The following XRCC6 variants were observed in gnomAD, a reference collection of about 807,000 sequenced individuals.
The protein encoded by XRCC6 is X-ray repair cross complementing 6, also known as DNA repair protein Ku70.
In XRCC6, 5 loss-of-function variants were observed where a neutral mutation model predicts 65.7. That is an observed-to-expected ratio of 0.08 (90% confidence interval 0.04 to 0.16). XRCC6 has a LOEUF of 0.16. XRCC6 is among the 10% of genes least tolerant of loss of function. XRCC6 has a pLI of 1.00. For synonymous variants in XRCC6, 270 were observed against 270.6 expected (o/e 1.00, Z 0.02); for missense variants, 447 against 738.1 (o/e 0.61, Z 4.57).
chr22:41,649,703 A>C (rs2147103887), intron 7 of XRCC6, among the ~76,000 whole-genome samples: 1 of 151,984 alleles, frequency 6.6e-6, no homozygotes, highest in South Asian at 2.1e-4. Context: ...AAATACAAAA[A>C]AATTAGCCAG....
chr22:41,652,323 T>G (rs1433231338), intron 8 of XRCC6, among the ~76,000 whole-genome samples: 1 of 152,094 alleles, frequency 6.6e-6, no homozygotes, highest in Non-Finnish European at 1.5e-5. Context: ...GGTCATGTCA[T>G]TAACCTAGTG....
At chr22:41,642,049 A>AT (rs1361658998) in intron 6 of XRCC6, among the ~76,000 whole-genome samples, 1 of 152,018 alleles carries the variant, frequency 6.6e-6, no homozygotes, top group African/African-American at 2.4e-5. Flanking sequence ...TCAGGATCTC[A>AT]TTTTTTATGG....
chr22:41,661,302 G>C (rs758897001), intron 11 of XRCC6, 29 bp from the exon 12 acceptor site: 1 of 1,599,214 alleles, frequency 6.3e-7, no homozygotes, highest in Non-Finnish European at 8.5e-7. Context: ...TGACTCACCA[G>C]GCCACTCTTC....
intron 9 of XRCC6, among the ~76,000 whole-genome samples, chr22:41,655,773 A>C (rs1185232270): frequency 1.3e-5 from 2 of 150,928 alleles, no homozygotes; most frequent in African/African-American, 4.9e-5. Context: ...TATGTTGCCC[A>C]GGCTGGTCTC....
chr22:41,636,463 C>T, intron 4 of XRCC6, 53 bp from the exon 5 acceptor site: 1 of 1,594,590 alleles, frequency 6.3e-7, no homozygotes, highest in Non-Finnish European at 8.5e-7. Flanking sequence ...GTAAAGGCAG[C>T]CACTGACATT....
Position 41,657,015 on chromosome 22 carries a change from G to A in XRCC6, c.1404G>A (p.Lys468=). The part of the protein sequence containing the change: ...QVGKMKAIVE[K]LRFTYRSDSF... ...GCAAGATGAAGGCTATCGTTGAGAA[G>A]CTTCGCTTCACATACAGGTGAGTCA... The change falls in exon 10 of 13, where the codon AAG becomes AAA. Residue 468 remains lysine (K), a synonymous_variant. Coordinates refer to ENST00000360079, the MANE Select transcript of XRCC6 (RefSeq NM_001469.5). 1 of 1,592,448 alleles carries A rather than the reference G, an allele frequency of 6.3e-7. No homozygotes were observed.
chr22:41,660,942 G>A (rs2068093566), intron 11 of XRCC6, among the ~76,000 whole-genome samples: 1 of 151,838 alleles, frequency 6.6e-6, no homozygotes, highest in Non-Finnish European at 1.5e-5. Context: ...GCTGAGGCAG[G>A]AGAATCGCTT....
chr22:41,634,692 G>A (rs1008244744), intron 3 of XRCC6, among the ~76,000 whole-genome samples: 3 of 152,164 alleles, frequency 2.0e-5, no homozygotes, highest in East Asian at 1.9e-4. Context: ...TTACAGGCAC[G>A]TGCTACCACA....
chr22:41,658,682 G>A (rs906937890), intron 11 of XRCC6, among the ~76,000 whole-genome samples: 2 of 152,220 alleles, frequency 1.3e-5, no homozygotes, highest in African/African-American at 4.8e-5. Context: ...TTGGGAGGCC[G>A]AGGCGGGTGG....
chr22:41,661,624 C>A (rs568221752), intron 12 of XRCC6, 180 bp downstream of exon 12: 2 of 585,584 alleles, frequency 3.4e-6, no homozygotes. Context: ...AACCCTCATA[C>A]ACTGTTGGTG....
intron 5 of XRCC6, among the ~76,000 whole-genome samples, 168 bp downstream of exon 5, chr22:41,636,938 G>T (rs995783444): frequency 6.6e-6 from 1 of 151,944 alleles, no homozygotes; most frequent in African/African-American, 2.4e-5. Context: ...CTGTGTACCT[G>T]ACTTCAGGCA....
rs1436272185 is a variant in XRCC6, at chr22:41,636,657, T to A, written c.476T>A (p.Phe159Tyr). 1 of 1,613,974 alleles carries A rather than the reference T, an allele frequency of 6.2e-7. No individual in the cohort carries two copies. The highest frequency in any genetic ancestry group is 1.7e-4 in the Middle Eastern group (1 of 6,050). ...GCCAACCTCTTTAGTGATGTCCAATTCAAGATGAGTCATAAGAGGATCATG... is the reference window on the plus strand; with the variant it reads ...GCCAACCTCTTTAGTGATGTCCAATACAAGATGAGTCATAAGAGGATCATG... ...VCANLFSDVQ[F>Y]KMSHKRIMLF... The change falls in exon 5 of 13, where the codon TTC (phenylalanine) becomes TAC (tyrosine). Residue 159 changes from phenylalanine (F) to tyrosine (Y), a missense_variant. By Grantham distance (22) the Phe-to-Tyr change is conservative. This residue lies in a region of XRCC6 where 228 missense variants were observed against 307.4 expected (regional missense o/e 0.74). Coordinates refer to ENST00000360079, the MANE Select transcript of XRCC6 (RefSeq NM_001469.5).
intron 2 of XRCC6, among the ~76,000 whole-genome samples, chr22:41,627,400 C>A (rs549909260): frequency 1.3e-5 from 2 of 151,816 alleles, no homozygotes; most frequent in African/African-American, 4.8e-5. Flanking sequence ...CACCTGAGGC[C>A]GGGAGTTCAA....
intron 6 of XRCC6, among the ~76,000 whole-genome samples, chr22:41,638,764 G>C (rs2147087199): frequency 8.3e-6 from 1 of 120,474 alleles, no homozygotes; most frequent in Middle Eastern, 6.3e-3. Context: ...GTGACAAAGT[G>C]AGACTCCGCC....
intron 3 of XRCC6, among the ~76,000 whole-genome samples, chr22:41,634,546 CT>C (rs11322023): frequency 0.13 from 16,336 of 123,318 alleles, 2,504 homozygotes; most frequent in African/African-American, 0.41. Context: ...GATGAACTCT[CT>C]TTTTTTTTTT....
intron 3 of XRCC6, among the ~76,000 whole-genome samples, chr22:41,629,269 C>T (rs2067713842): frequency 6.6e-6 from 1 of 152,136 alleles, no homozygotes; most frequent in Non-Finnish European, 1.5e-5. Flanking sequence ...AATTCAGTGA[C>T]ACTTAACACA....
intron 7 of XRCC6, among the ~76,000 whole-genome samples, chr22:41,647,929 A>G (rs927633697): frequency 6.6e-6 from 1 of 151,792 alleles, no homozygotes; most frequent in South Asian, 2.1e-4. Flanking sequence ...GAGGAGAGAC[A>G]TTGATCAGGC....
chr22:41,654,281 G>T (rs1049936192), intron 9 of XRCC6, among the ~76,000 whole-genome samples: 10 of 152,064 alleles, frequency 6.6e-5, no homozygotes, highest in Non-Finnish European at 1.0e-4. Context: ...TTTCCCTCGG[G>T]GTGGTTTTAC....
At chr22:41,657,111 G>C in intron 10 of XRCC6, 79 bp downstream of exon 10, 1 of 1,471,728 alleles carries the variant, frequency 6.8e-7, no homozygotes, top group Non-Finnish European at 9.0e-7. Flanking sequence ...TAGGCCAAGA[G>C]AATGGCACTA....
Sources: allele counts gnomAD v4.1 joint callset (sites outside exome capture counted in the v4.1 genomes callset), GRCh38; gene constraint gnomAD v4.1.1; regional missense constraint gnomAD v4.1.1; transcripts MANE v1.5; gene names NCBI Gene and HGNC (gene_info 2026-07-23, HGNC 2026-07-21).